SLC35E3: variants seen among roughly 807,000 people sequenced by gnomAD.
The protein encoded by SLC35E3 is bladder cancer-overexpressed gene 1 protein.
A neutral mutation model predicts 30.8 loss-of-function variants in SLC35E3; 28 were observed. That is an observed-to-expected ratio of 0.91 (90% confidence interval 0.67 to 1.25). The LOEUF (loss-of-function observed/expected upper bound fraction) is 1.25, where lower values mean the gene tolerates loss of function less well. SLC35E3 is among the 50% of genes most tolerant of loss of function. The pLI, the probability that SLC35E3 is intolerant of heterozygous loss-of-function variation, is 0.00. For synonymous variants in SLC35E3, 146 were observed against 149.2 expected, an observed-to-expected ratio of 0.98 and a Z score of 0.16; for missense variants, 365 against 375.4, an observed-to-expected ratio of 0.97 and a Z score of 0.23.
At position 68,752,156 on chromosome 12, in the gene SLC35E3, G is replaced by C. The variant is rs770100673; in HGVS notation, c.638G>C (p.Gly213Ala). ...TTCTTTGAGCCAGTGTTTGGAGAAG[G>C]AGGAATATTTGGTCCCTGGTCAGTT... Reference protein sequence around the residue: ...VPFFEPVFGEGGIFGPWSVSA... With the variant: ...VPFFEPVFGEAGIFGPWSVSA... The change falls in exon 3 of 5, where the codon GGA becomes GCA. Residue 213 changes from glycine to alanine, a missense_variant. By Grantham distance (60) the Gly-to-Ala change is moderately conservative. Transcript: ENST00000398004. The C allele has an allele frequency of 6.8e-6, 11 of 1,613,320 alleles. No individual in the cohort carries two copies. Among genetic ancestry groups the C allele is most frequent in the Admixed American group, 3.4e-5 (2 of 59,700 alleles).
chr12:68,758,990 A>T (rs1033663818), intron 3 of SLC35E3, among the ~76,000 whole-genome samples, 167 bp from the exon 4 acceptor site: 1 of 151,952 alleles, frequency 6.6e-6, no homozygotes, highest in African/African-American at 2.4e-5. Context: ...TGGCCTCCCA[A>T]AGTGCTGGGA....
At chr12:68,762,889 C>A (rs1055712000) in intron 4 of SLC35E3, among the ~76,000 whole-genome samples, 8 of 152,214 alleles carry the variant, frequency 5.3e-5, no homozygotes, top group African/African-American at 1.9e-4. Context: ...CAGCGGGAAC[C>A]TCCAGGCTGC....
rs1592535835 is a variant in SLC35E3 at position 68,752,161 on chromosome 12, A to G, written c.643A>G (p.Ile215Val). The G allele has an allele frequency of 2.5e-6, 4 of 1,613,166 alleles. No homozygotes were observed. The Admixed American group carries it at 6.7e-5, about 27-fold the overall frequency. The change falls in exon 3 of 5, where the codon ATA becomes GTA. Residue 215 changes from isoleucine (I) to valine (V), a missense_variant. Ile to Val is a conservative substitution (Grantham distance 29, BLOSUM62 3). Coordinates refer to ENST00000398004, the MANE Select transcript of SLC35E3 (RefSeq NM_018656.5). ...TGAGCCAGTGTTTGGAGAAGGAGGA[A>G]TATTTGGTCCCTGGTCAGTTTCTGC... ...FFEPVFGEGG[I>V]FGPWSVSALL...
At position 68,781,468 on chromosome 12, in the gene SLC35E3, A is replaced by G. The variant is rs10878870; in HGVS notation, c.*16578A>G. ...TAATAATAAACCAATACAGTGCTACAGAGATGTTTCTTTCATTAATGTGTT... is the reference window on the plus strand; with the variant it reads ...TAATAATAAACCAATACAGTGCTACGGAGATGTTTCTTTCATTAATGTGTT... On this transcript the variant is annotated 3_prime_UTR_variant, in exon 5 of 5. Transcript: ENST00000398004. The G allele has an allele frequency of 0.29, 43,782 of 151,968 alleles. 7,514 individuals are homozygous for G. Among genetic ancestry groups the G allele is most frequent in the Non-Finnish European group, 0.39 (26,764 of 67,880 alleles). The allele number at this position is 151,968 out of a possible 1,614,324, so 9.4% of individuals were successfully genotyped here. A position where few individuals can be genotyped will look rare whatever the true frequency, so the allele number is the denominator to read the frequency against.
intron 2 of SLC35E3, among the ~76,000 whole-genome samples, chr12:68,751,236 T>C (rs1331735623): frequency 6.6e-6 from 1 of 151,904 alleles, no homozygotes; most frequent in African/African-American, 2.4e-5. Context: ...GCCACACACA[T>C]TGGCAACCAT....
chr12:68,758,139 C>T (rs973031421), intron 3 of SLC35E3, among the ~76,000 whole-genome samples: 2 of 145,326 alleles, frequency 1.4e-5, no homozygotes, highest in African/African-American at 5.1e-5. Context: ...AAAAAGATCT[C>T]GGCCGGGTGC....
rs1322562772 is a variant in SLC35E3 at position 68,767,359 on chromosome 12, A to G, written c.*2469A>G. ...CATGGCAAAACCCTGTCTGCAAAAA[A>G]TACAAAAATTAGCCGGGCCTAGTGG... On this transcript the variant is annotated 3_prime_UTR_variant, in exon 5 of 5. Coordinates refer to ENST00000398004, the MANE Select transcript of SLC35E3 (RefSeq NM_018656.5). 1.3e-5 allele frequency: 2 copies of G among 152,126 alleles called. No homozygotes were observed. The highest frequency in any genetic ancestry group is 2.4e-5 in the African/African-American group (1 of 41,432). The allele number at this position is 152,126 out of a possible 1,614,324, so 9.4% of individuals were successfully genotyped here.
rs1257348651 is a variant in SLC35E3, at chr12:68,766,211, T to C, written c.*1321T>C. 6.6e-6 allele frequency: 1 copy of C among 151,878 alleles called. No individual in the cohort carries two copies. Among genetic ancestry groups the C allele is most frequent in the African/African-American group, 2.4e-5 (1 of 41,340 alleles). The allele number at this position is 151,878 out of a possible 1,614,324, so 9.4% of individuals were successfully genotyped here. A position where few individuals can be genotyped will look rare whatever the true frequency, so the allele number is the denominator to read the frequency against. The stretch of plus-strand genomic sequence containing the variant: ...AGTTAAAAAACAAAACGGCAGCCAA[T>C]CTCAGTGGCTCACACCTGTAATCCC... On this transcript the variant is annotated 3_prime_UTR_variant, in exon 5 of 5. Transcript: ENST00000398004.
chr12:68,760,312 A>G (rs1879198273), intron 4 of SLC35E3: 1 of 152,242 alleles, frequency 6.6e-6, no homozygotes, highest in Non-Finnish European at 1.5e-5. Flanking sequence ...CAACAAATGA[A>G]TTTCCCCAGG....
At chr12:68,749,203 A>G (rs1378600103) in intron 2 of SLC35E3, among the ~76,000 whole-genome samples, 10 of 152,218 alleles carry the variant, frequency 6.6e-5, no homozygotes, top group African/African-American at 2.2e-4. Context: ...AAAGGATTCT[A>G]TATCCCTAAG....
At chr12:68,761,860 C>T (rs1879242368) in intron 4 of SLC35E3, among the ~76,000 whole-genome samples, 1 of 152,096 alleles carries the variant, frequency 6.6e-6, no homozygotes. Context: ...GGTTTTTGAC[C>T]TGAGCACCTG....
At chr12:68,747,460 G>A (rs1878634406) in intron 1 of SLC35E3, among the ~76,000 whole-genome samples, 1 of 152,050 alleles carries the variant, frequency 6.6e-6, no homozygotes, top group African/African-American at 2.4e-5. Context: ...GTAAAGACGG[G>A]GTTTCTCCAT....
intron 4 of SLC35E3, among the ~76,000 whole-genome samples, chr12:68,761,171 T>C (rs1008924149): frequency 6.6e-6 from 1 of 152,188 alleles, no homozygotes; most frequent in Admixed American, 6.5e-5. Flanking sequence ...AGGGCGTTTA[T>C]GTAAGGACTA....
rs1345969808 is a variant in SLC35E3 at position 68,777,143 on chromosome 12, A to C, written c.*12253A>C. On this transcript the variant is annotated 3_prime_UTR_variant, in exon 5 of 5. Transcript: ENST00000398004. The stretch of plus-strand genomic sequence containing the variant: ...CAGTAAGCAGATCTAGGAAAAACTC[A>C]CTCTAATAACGTTCCAGGAATTTCC... 1 of 152,026 alleles carries C rather than the reference A, an allele frequency of 6.6e-6. No homozygotes were observed. Among genetic ancestry groups the C allele is most frequent in the African/African-American group, 2.4e-5 (1 of 41,374 alleles). 9.4% of individuals were successfully genotyped at this position (152,026 alleles called of 1,614,324 possible).
chr12:68,747,506 G>A (rs1464163069), intron 1 of SLC35E3, among the ~76,000 whole-genome samples: 2 of 152,178 alleles, frequency 1.3e-5, no homozygotes, highest in Admixed American at 1.3e-4. Context: ...GACCTCAGGT[G>A]ATCTGCCCGC....
In SLC35E3 at chr12:68,777,461, C is replaced by A. The variant is rs1432258978; in HGVS notation, c.*12571C>A. 3.3e-5 allele frequency: 5 copies of A among 152,218 alleles called. No individual in the cohort carries two copies. Among genetic ancestry groups the A allele is most frequent in the Non-Finnish European group, 5.9e-5 (4 of 68,040 alleles). 9.4% of individuals were successfully genotyped at this position (152,218 alleles called of 1,614,324 possible). ...CGCAAGAGATTTTGCCAAGGAAATG[C>A]TGACATTCCTTCTGTCCACTCCTCT... On this transcript the variant is annotated 3_prime_UTR_variant, in exon 5 of 5. Coordinates refer to ENST00000398004, the MANE Select transcript of SLC35E3 (RefSeq NM_018656.5).
rs67182134 is a variant in SLC35E3 at position 68,776,691 on chromosome 12, GA to G, written c.*11812del. ...ACAGAATGAAACTGTGTCTCAAAAA[GA>G]AAAAAAAAAACAAAAACTAGTAGCT... On this transcript the variant is annotated 3_prime_UTR_variant, in exon 5 of 5. Transcript: ENST00000398004. The G allele has an allele frequency of 0.29, 41,837 of 144,264 alleles. 7,114 individuals are homozygous for G. Among genetic ancestry groups the G allele is most frequent in the East Asian group, 0.54 (2,664 of 4,958 alleles). The allele number at this position is 144,264 out of a possible 1,614,324, so 8.9% of individuals were successfully genotyped here. A position where few individuals can be genotyped will look rare whatever the true frequency, so the allele number is the denominator to read the frequency against.
At chr12:68,763,208 G>T (rs1879281362) in intron 4 of SLC35E3, among the ~76,000 whole-genome samples, 1 of 152,140 alleles carries the variant, frequency 6.6e-6, no homozygotes, top group Non-Finnish European at 1.5e-5. Context: ...AACCGTGGGA[G>T]GTAAACCCCT....
chr12:68,757,294 G>C (rs181461352), intron 3 of SLC35E3, among the ~76,000 whole-genome samples: 1 of 152,142 alleles, frequency 6.6e-6, no homozygotes, highest in Non-Finnish European at 1.5e-5. Flanking sequence ...TTCAAAGTCC[G>C]TAACAAAGAC....
Sources: allele counts gnomAD v4.1 joint callset (sites outside exome capture counted in the v4.1 genomes callset), GRCh38; gene constraint gnomAD v4.1.1; transcripts MANE v1.5; gene names NCBI Gene and HGNC (gene_info 2026-07-23, HGNC 2026-07-21).